Variants in SYT16 observed in about 807,000 individuals in gnomAD.
The protein encoded by SYT16 is synaptotagmin 16, also known as synaptotagmin-16.
SYT16 carries 42 observed loss-of-function variants against 61.4 expected under a neutral mutation model. That is an observed-to-expected ratio of 0.68 (90% CI 0.53 to 0.89). The LOEUF (loss-of-function observed/expected upper bound fraction) is 0.89. Among genes scored for constraint, SYT16 ranks in the 40% least tolerant of loss-of-function variants. The pLI, the probability that SYT16 is intolerant of heterozygous loss-of-function variation, is 0.00. For synonymous variants in SYT16, 314 were observed against 302.3 expected, an observed-to-expected ratio of 1.04 and a Z score of -0.40; for missense variants, 804 against 807.3, an observed-to-expected ratio of 1.00 and a Z score of 0.05.
At chr14:61,944,511 G>T (rs1194983778) in intron 1 of SYT16, among the ~76,000 whole-genome samples, 1 of 152,160 alleles carries the variant, frequency 6.6e-6, no homozygotes, top group East Asian at 1.9e-4. Context: ...AACCAAAACA[G>T]CATGGTACTG....
intron 1 of SYT16, among the ~76,000 whole-genome samples, chr14:61,958,382 C>A (rs971502124): frequency 1.3e-5 from 2 of 151,220 alleles, no homozygotes; most frequent in African/African-American, 2.4e-5. Context: ...TATTTGAGAT[C>A]TTTCTCCTTT....
chr14:62,068,365 A>AAAAAC lies in SYT16; in HGVS notation c.524-1201_524-1197dup, dbSNP rs57308262. 8.0e-4 allele frequency among the ~76,000 whole-genome samples: 121 copies of AAAAAC among 150,448 alleles called. 2 individuals are homozygous for AAAAAC. The highest frequency in any genetic ancestry group is 8.0e-4 in the Admixed American group (12 of 15,064). On this transcript the variant is annotated intron_variant, in intron 3 of 7. Coordinates refer to ENST00000683842, the MANE Select transcript of SYT16 (RefSeq NM_001367656.1). ...CATTTCACTTAGATGTGGAATCTAA[A>AAAAAC]AAAACAAAACAAAACAAAACAAAAC...
chr14:61,813,726 A>G (rs2045340734), intron 1 of SYT16, among the ~76,000 whole-genome samples: 1 of 151,168 alleles, frequency 6.6e-6, no homozygotes, highest in Non-Finnish European at 1.5e-5. Flanking sequence ...TGACCCTGCC[A>G]TTGCACTCCA....
At chr14:61,956,253 C>G in intron 1 of SYT16, among the ~76,000 whole-genome samples, 1 of 151,864 alleles carries the variant, frequency 6.6e-6, no homozygotes, top group Non-Finnish European at 1.5e-5. Context: ...CATAGGTTAC[C>G]TTTTCATTTG....
chr14:62,055,016 G>T (rs757807234), intron 3 of SYT16, among the ~76,000 whole-genome samples: 7 of 152,210 alleles, frequency 4.6e-5, no homozygotes, highest in Non-Finnish European at 7.3e-5. Context: ...TCTAGTCAGA[G>T]AATTTGTAAA....
Position 62,109,464 on chromosome 14 carries a change from GCT to G in SYT16, c.*8761_*8762del, listed in dbSNP as rs1566861898. 6.6e-6 allele frequency: 1 copy of G among 151,910 alleles called. No individual in the cohort carries two copies. The highest frequency in any genetic ancestry group is 1.5e-5 in the Non-Finnish European group (1 of 67,986). The allele number at this position is 151,910 out of a possible 1,614,324, so 9.4% of individuals were successfully genotyped here. A position where few individuals can be genotyped will look rare whatever the true frequency, so the allele number is the denominator to read the frequency against. ...TATGGCAAATTTTATTAAAGTGCGT[GCT>G]CTCAGGAAAAGCTGCATATATTTTA... On this transcript the variant is annotated 3_prime_UTR_variant, in exon 8 of 8. Transcript: ENST00000683842.
intron 1 of SYT16, among the ~76,000 whole-genome samples, chr14:61,854,314 G>T (rs1340781415): frequency 6.6e-6 from 1 of 152,040 alleles, no homozygotes; most frequent in African/African-American, 2.4e-5. Context: ...TTCAAAAGGG[G>T]CTAATTTGTT....
intron 1 of SYT16, among the ~76,000 whole-genome samples, chr14:61,842,436 C>G (rs183110058): frequency 3.2e-4 from 49 of 152,268 alleles, no homozygotes; most frequent in Non-Finnish European, 2.9e-4. Context: ...GTTTGTCTTT[C>G]TGTGCCTGGT....
At chr14:62,049,966 C>T (rs1486324424) in intron 3 of SYT16, among the ~76,000 whole-genome samples, 1 of 152,114 alleles carries the variant, frequency 6.6e-6, no homozygotes, top group Non-Finnish European at 1.5e-5. Flanking sequence ...TTGCTCTTCT[C>T]AAAGAGTATC....
At chr14:61,866,165 T>C (rs1289041177) in intron 1 of SYT16, among the ~76,000 whole-genome samples, 2 of 152,102 alleles carry the variant, frequency 1.3e-5, no homozygotes, top group African/African-American at 4.8e-5. Flanking sequence ...AAAAAAACTA[T>C]TATGAATACT....
intron 1 of SYT16, among the ~76,000 whole-genome samples, chr14:61,820,796 G>A (rs2045596869): frequency 6.6e-6 from 1 of 152,112 alleles, no homozygotes; most frequent in Admixed American, 6.5e-5. Flanking sequence ...CAATGATGTT[G>A]ATAAGCCTGA....
chr14:62,021,693 T>C (rs1468027952), intron 3 of SYT16, among the ~76,000 whole-genome samples: 1 of 151,982 alleles, frequency 6.6e-6, no homozygotes, highest in Non-Finnish European at 1.5e-5. Flanking sequence ...AGGCTTTCTC[T>C]AGTCTCTCCC....
chr14:62,084,076 A>C, intron 6 of SYT16, 120 bp from the exon 7 acceptor site: 3 of 1,206,596 alleles, frequency 2.5e-6, no homozygotes, highest in Non-Finnish European at 3.4e-6. Flanking sequence ...GTGCGCCCTT[A>C]GTCATCTTTG....
At chr14:62,059,885 T>C (rs2055751276) in intron 3 of SYT16, among the ~76,000 whole-genome samples, 1 of 151,922 alleles carries the variant, frequency 6.6e-6, no homozygotes, top group Non-Finnish European at 1.5e-5. Context: ...AAGACTTTCA[T>C]ATTGAATTAC....
chr14:61,987,649 T>C (rs1427762195), intron 2 of SYT16, among the ~76,000 whole-genome samples: 1 of 152,102 alleles, frequency 6.6e-6, no homozygotes. Flanking sequence ...TATAACCCGA[T>C]GATAACTGTG....
Position 62,013,563 on chromosome 14 carries a change from TTTTG to T in SYT16, c.523+17034_523+17037del, listed in dbSNP as rs1160781179. 2.0e-5 allele frequency among the ~76,000 whole-genome samples: 3 copies of T among 152,206 alleles called. No homozygotes were observed. In the South Asian group the frequency reaches 6.2e-4, roughly 32 times the overall value. ...TTCTGTCACTCCCATGGGCATGTTT[TTTTG>T]TTTGTTTGTTTGGATTGCCGTGACC... On this transcript the variant is annotated intron_variant, in intron 3 of 7. Transcript: ENST00000683842.
chr14:61,873,328 A>T (rs1313277853), intron 1 of SYT16, among the ~76,000 whole-genome samples: 1 of 152,194 alleles, frequency 6.6e-6, no homozygotes, highest in African/African-American at 2.4e-5. Flanking sequence ...ATGAAATGGG[A>T]TGAGAGGATG....
At chr14:61,974,834 G>C (rs113290688) in intron 2 of SYT16, among the ~76,000 whole-genome samples, 2,978 of 152,320 alleles carry the variant, frequency 0.02, 53 homozygotes, top group Non-Finnish European at 0.029. Flanking sequence ...TGCTCAGCTG[G>C]AGCTCAGAAG....
chr14:62,019,948 G>A (rs750170381), intron 3 of SYT16, among the ~76,000 whole-genome samples: 4 of 152,160 alleles, frequency 2.6e-5, no homozygotes, highest in Admixed American at 6.5e-5. Flanking sequence ...GGAGATAGGC[G>A]GTAGTCAGAA....
Sources: gnomAD v4.1 joint callset for allele counts (sites outside exome capture counted in the v4.1 genomes callset) on GRCh38, gnomAD v4.1.1 for gene constraint, MANE v1.5 for transcripts, NCBI Gene and HGNC (gene_info 2026-07-23, HGNC 2026-07-21) for gene names.